CLPTM1: variants seen among roughly 807,000 people sequenced by gnomAD.
The protein encoded by CLPTM1 is putative lipid scramblase CLPTM1.
A neutral mutation model predicts 77.3 loss-of-function variants in CLPTM1; 21 were observed. The observed-to-expected ratio is 0.27, with a 90% CI of 0.19 to 0.39. The LOEUF (loss-of-function observed/expected upper bound fraction) is 0.39. CLPTM1 is among the 10% of genes least tolerant of loss of function. The probability of loss-of-function intolerance (pLI) is 1.00; values close to 1 mark genes in which losing one functional copy is unlikely to be tolerated. For missense variants in CLPTM1, 642 were observed against 921.2 expected, an observed-to-expected ratio of 0.70 and a Z score of 3.92; for synonymous variants, 373 against 381.0, an observed-to-expected ratio of 0.98 and a Z score of 0.24.
intron 9 of CLPTM1, among the ~76,000 whole-genome samples, chr19:44,988,511 G>T (rs1274756830): frequency 6.6e-6 from 1 of 152,210 alleles, no homozygotes; most frequent in African/African-American, 2.4e-5. Flanking sequence ...GCTGCCTGCT[G>T]CGGGAGGCCG....
intron 2 of CLPTM1, among the ~76,000 whole-genome samples, chr19:44,967,672 AC>A (rs897964507): frequency 2.0e-5 from 3 of 146,794 alleles, no homozygotes; most frequent in African/African-American, 5.0e-5. Context: ...AAAAAAAAAA[AC>A]AACTCATGAT....
At chr19:44,983,617 CAAAAAAA>C (rs35582067) in intron 5 of CLPTM1, among the ~76,000 whole-genome samples, 11 of 39,794 alleles carry the variant, frequency 2.8e-4, no homozygotes, top group South Asian at 1.6e-3. Context: ...GACTCTGTCT[CAAAAAAA>C]AAAAAAAAAA....
At chr19:44,955,618 C>T (rs1033811449) in intron 1 of CLPTM1, 151 bp downstream of exon 1, 2 of 717,726 alleles carry the variant, frequency 2.8e-6, no homozygotes, top group Non-Finnish European at 3.8e-6. Flanking sequence ...GGCCGGACCG[C>T]CCGGGAGGCC....
intron 1 of CLPTM1, chr19:44,955,669 C>T (rs1334902003): frequency 1.2e-5 from 5 of 434,534 alleles, no homozygotes; most frequent in Admixed American, 4.5e-5. Context: ...GGTCGGTTCC[C>T]CTGCACGCTC....
intron 2 of CLPTM1, among the ~76,000 whole-genome samples, chr19:44,968,848 A>G (rs1158025179): frequency 6.6e-6 from 1 of 152,192 alleles, no homozygotes; most frequent in Non-Finnish European, 1.5e-5. Context: ...ATCCCCAGAG[A>G]TTGCCAGGTC....
chr19:44,956,551 T>C (rs976303791), intron 1 of CLPTM1, among the ~76,000 whole-genome samples: 1 of 152,236 alleles, frequency 6.6e-6, no homozygotes, highest in Non-Finnish European at 1.5e-5. Context: ...CTGCTCTGAA[T>C]CTTTTCAGCA....
chr19:44,968,944 C>T (rs1453668923), intron 2 of CLPTM1, among the ~76,000 whole-genome samples: 1 of 152,098 alleles, frequency 6.6e-6, no homozygotes, highest in Non-Finnish European at 1.5e-5. Context: ...GACCCTGGAC[C>T]CCAGGGCCTT....
intron 4 of CLPTM1, among the ~76,000 whole-genome samples, chr19:44,976,665 C>T (rs2122291235): frequency 6.6e-6 from 1 of 152,204 alleles, no homozygotes; most frequent in Middle Eastern, 3.4e-3. Context: ...TGAGAATAGT[C>T]CCCCTTCCCT....
chr19:44,990,254 A>G lies in CLPTM1; in HGVS notation c.1133-141A>G, dbSNP rs188662968. 246 of 764,838 alleles carry G rather than the reference A, an allele frequency of 3.2e-4. No individual in the cohort carries two copies. The African/African-American group carries it at 3.7e-3, about 11-fold the overall frequency. 47.4% of individuals were successfully genotyped at this position (764,838 alleles called of 1,614,324 possible). Reference sequence around the variant, plus strand: ...GAATATGAGAGCCTTCCTGGGAGAGAGGGGTCTCGTTCAGCACCCCTCCTG... The same window carrying G: ...GAATATGAGAGCCTTCCTGGGAGAGGGGGGTCTCGTTCAGCACCCCTCCTG... On this transcript the variant is annotated intron_variant, in intron 9 of 13. Transcript: ENST00000337392. This position sits in a 1 kb window ranked among gnomAD's most constrained non-coding sequence, Gnocchi z 4.8.
chr19:44,981,480 T>G (rs528238753), intron 5 of CLPTM1, among the ~76,000 whole-genome samples: 1 of 152,174 alleles, frequency 6.6e-6, no homozygotes, highest in East Asian at 1.9e-4. Context: ...TGTAGTGTCC[T>G]CCGACTCAGG....
chr19:44,985,729 T>G (rs543515189), intron 6 of CLPTM1, among the ~76,000 whole-genome samples: 2 of 152,292 alleles, frequency 1.3e-5, no homozygotes, highest in South Asian at 4.1e-4. Context: ...TCACTCCCAG[T>G]GGGCTGGGGA....
In CLPTM1 at chr19:44,976,869, A is replaced by G. The variant is rs114135447; in HGVS notation, c.469-474A>G. Among the ~76,000 whole-genome samples, 1,450 of 152,294 alleles carry G rather than the reference A, an allele frequency of 9.5e-3. 26 individuals carry two copies. Among genetic ancestry groups the G allele is most frequent in the African/African-American group, 0.033 (1,359 of 41,560 alleles). ...ATGGGGTGGTAACATGACCCATTGC[A>G]TAAGGTTGACATGTTATATGTGTGT... On this transcript the variant is annotated intron_variant, in intron 4 of 13. Coordinates refer to ENST00000337392, the MANE Select transcript of CLPTM1 (RefSeq NM_001294.4).
chr19:44,954,880 G>A, upstream of CLPTM1: 1 of 1,232,990 alleles, frequency 8.1e-7, no homozygotes, highest in Non-Finnish European at 1.1e-6. Context: ...CTTAGGAAGA[G>A]GGGTCAGAAG....
intron 2 of CLPTM1, among the ~76,000 whole-genome samples, chr19:44,968,203 G>A (rs909335951): frequency 2.0e-5 from 3 of 152,072 alleles, no homozygotes; most frequent in African/African-American, 7.2e-5. Flanking sequence ...GTGGGTGCTC[G>A]GAGACCATCT....
In CLPTM1 at chr19:44,973,222, G is replaced by T; in HGVS notation, c.309+12G>T. The T allele has an allele frequency of 6.2e-7, 1 of 1,613,946 alleles. No homozygotes were observed. Among genetic ancestry groups the T allele is most frequent in the East Asian group, 2.2e-5 (1 of 44,868 alleles). ...AAGACACTTTAATGGTAACTGCCGG[G>T]TGGTAGGGCAGACTTGGGAGGTGAT... On this transcript the variant is annotated intron_variant, in intron 3 of 13. Coordinates refer to ENST00000337392, the MANE Select transcript of CLPTM1 (RefSeq NM_001294.4).
At chr19:44,987,051 C>T in intron 7 of CLPTM1, 128 bp from the exon 8 acceptor site, 1 of 1,255,542 alleles carries the variant, frequency 8.0e-7, no homozygotes, top group Admixed American at 2.3e-5. Context: ...CATGGTGTGG[C>T]CTAGAAATGT....
At chr19:44,971,867 C>CTTTTTT (rs10693027) in intron 2 of CLPTM1, among the ~76,000 whole-genome samples, 15 of 83,288 alleles carry the variant, frequency 1.8e-4, no homozygotes, top group Admixed American at 3.6e-4. Context: ...CCCAATTATA[C>CTTTTTT]TTTTTTTTTT....
intron 2 of CLPTM1, among the ~76,000 whole-genome samples, chr19:44,970,686 C>T (rs887238070): frequency 1.3e-4 from 19 of 146,708 alleles, no homozygotes; most frequent in East Asian, 7.8e-4. Flanking sequence ...TGTGAGCCAC[C>T]GCGCCCAGCC....
rs760499739 is a variant in CLPTM1, at chr19:44,955,423, G to T, written c.28G>T (p.Ala10Ser). ...GGCGGCGGCGCAGGAGGCGGACGGG[G>T]CCCGCAGCGCCGTGGTGGCGGCCGG... MAAAQEADG[A>S]RSAVVAAGGG... Residue 10 changes from alanine (A) to serine (S), a missense_variant, in exon 1 of 14, where the codon GCC becomes TCC. Physicochemically the swap from Ala to Ser is moderately conservative, Grantham distance 99. Transcript: ENST00000337392. The T allele has an allele frequency of 4.5e-5, 60 of 1,341,122 alleles. 1 individual carries two copies. Among genetic ancestry groups the T allele is most frequent in the East Asian group, 3.6e-4 (12 of 33,518 alleles). The allele number at this position is 1,341,122 out of a possible 1,614,324, so 83.1% of individuals were successfully genotyped here. A position where few individuals can be genotyped will look rare whatever the true frequency, so the allele number is the denominator to read the frequency against.
Sources: gnomAD v4.1 joint callset for allele counts (sites outside exome capture counted in the v4.1 genomes callset) on GRCh38, gnomAD v4.1.1 for gene constraint, Gnocchi (gnomAD v3.1) non-coding constraint, MANE v1.5 for transcripts, NCBI Gene and HGNC (gene_info 2026-07-23, HGNC 2026-07-21) for gene names.